The following KSR2 variants were observed in gnomAD, a reference collection of about 807,000 sequenced individuals.
The protein encoded by KSR2 is kinase suppressor of ras 2.
In KSR2, 25 loss-of-function variants were observed where a neutral mutation model predicts 107.8. The observed-to-expected ratio is 0.23, with a 90% CI of 0.17 to 0.32. KSR2 has a LOEUF of 0.32. Among genes scored for constraint, KSR2 ranks in the 10% least tolerant of loss-of-function variants. KSR2 has a pLI of 1.00. For missense variants in KSR2, 887 were observed against 1,268.9 expected (o/e 0.70, Z 4.57); for synonymous variants, 480 against 507.0 (o/e 0.95, Z 0.71).
intron 5 of KSR2, among the ~76,000 whole-genome samples, chr12:117,599,446 G>C (rs1880817305): frequency 6.6e-6 from 1 of 151,762 alleles, no homozygotes; most frequent in Non-Finnish European, 1.5e-5. Flanking sequence ...ACAAGTTCTA[G>C]AAGATGAATG....
At chr12:117,527,237 A>C (rs1875236462) in intron 12 of KSR2, 118 bp from the exon 13 acceptor site, 3 of 711,824 alleles carry the variant, frequency 4.2e-6, no homozygotes, top group Non-Finnish European at 7.5e-6. Flanking sequence ...TCTTTATCTC[A>C]CATTTCATTT....
At chr12:117,513,123 T>C (rs1242906833) in intron 14 of KSR2, among the ~76,000 whole-genome samples, 1 of 152,114 alleles carries the variant, frequency 6.6e-6, no homozygotes, top group Non-Finnish European at 1.5e-5. Context: ...GTTTCCCTCT[T>C]CTGCCAAACA....
intron 1 of KSR2, among the ~76,000 whole-genome samples, chr12:117,934,389 C>T (rs761155925): frequency 3.3e-5 from 5 of 152,170 alleles, no homozygotes; most frequent in Admixed American, 2.0e-4. Flanking sequence ...GAAATAATCA[C>T]GCTCTTCCTA....
chr12:117,525,743 A>G (rs1318147288), intron 13 of KSR2, among the ~76,000 whole-genome samples: 1 of 152,250 alleles, frequency 6.6e-6, no homozygotes, highest in Non-Finnish European at 1.5e-5. Flanking sequence ...TGCATGTAAC[A>G]CATGACAACT....
intron 4 of KSR2, among the ~76,000 whole-genome samples, chr12:117,734,617 T>C (rs2136749942): frequency 1.3e-5 from 2 of 152,340 alleles, no homozygotes; most frequent in South Asian, 4.1e-4. Context: ...TGCTGACTTA[T>C]CATTCTTTTC....
chr12:117,836,153 T>C (rs1177330188), intron 3 of KSR2, among the ~76,000 whole-genome samples: 1 of 152,094 alleles, frequency 6.6e-6, no homozygotes, highest in Non-Finnish European at 1.5e-5. Context: ...TCCAAAGTAC[T>C]AAAAGGGGTC....
intron 7 of KSR2, among the ~76,000 whole-genome samples, chr12:117,565,614 GAA>G (rs1878435026): frequency 6.6e-6 from 1 of 152,046 alleles, no homozygotes; most frequent in Non-Finnish European, 1.5e-5. Context: ...ATGAGAATAG[GAA>G]TAATAATTAT....
intron 4 of KSR2, among the ~76,000 whole-genome samples, chr12:117,680,483 C>T (rs945113857): frequency 6.6e-6 from 1 of 152,122 alleles, no homozygotes; most frequent in African/African-American, 2.4e-5. Flanking sequence ...ACAATCCCTG[C>T]CCCCAGCATT....
At chr12:117,755,620 A>G (rs2136844769) in intron 4 of KSR2, among the ~76,000 whole-genome samples, 1 of 152,316 alleles carries the variant, frequency 6.6e-6, no homozygotes, top group South Asian at 2.1e-4. Flanking sequence ...CTGAAACACA[A>G]CAATATTGAA....
intron 14 of KSR2, among the ~76,000 whole-genome samples, chr12:117,495,872 G>A (rs966328901): frequency 1.3e-5 from 2 of 152,102 alleles, no homozygotes; most frequent in Non-Finnish European, 2.9e-5. Flanking sequence ...TGGCCAACAT[G>A]GTGAAACCCT....
chr12:117,555,361 A>G (rs1877607027), intron 8 of KSR2, 68 bp from the exon 9 acceptor site: 3 of 1,558,560 alleles, frequency 1.9e-6, no homozygotes, highest in Admixed American at 3.5e-5. Flanking sequence ...CCAGGACGGC[A>G]TAGCTCAGAT....
At chr12:117,703,443 CT>C (rs888669893) in intron 4 of KSR2, among the ~76,000 whole-genome samples, 12 of 152,286 alleles carry the variant, frequency 7.9e-5, no homozygotes, top group Admixed American at 1.3e-4. Flanking sequence ...TTGCCTCCCC[CT>C]GGCCCTGGTG....
At chr12:117,648,104 C>CAT (rs1188443406) in intron 5 of KSR2, among the ~76,000 whole-genome samples, 4 of 152,014 alleles carry the variant, frequency 2.6e-5, no homozygotes, top group Non-Finnish European at 5.9e-5. Flanking sequence ...CTGGTGGCCC[C>CAT]ATATATATAT....
chr12:117,779,963 T>G (rs1251994893), intron 3 of KSR2, among the ~76,000 whole-genome samples: 1 of 152,214 alleles, frequency 6.6e-6, no homozygotes, highest in Non-Finnish European at 1.5e-5. Flanking sequence ...CACCTACTTA[T>G]ACACCAGGTA....
intron 4 of KSR2, among the ~76,000 whole-genome samples, chr12:117,695,675 C>T (rs1376795299): frequency 2.7e-5 from 4 of 150,092 alleles, no homozygotes; most frequent in Non-Finnish European, 5.9e-5. Flanking sequence ...CACACCACTG[C>T]ACTCCAGCCT....
intron 4 of KSR2, among the ~76,000 whole-genome samples, chr12:117,742,879 T>C (rs117602029): frequency 1.3e-5 from 2 of 152,344 alleles, no homozygotes; most frequent in East Asian, 3.9e-4. Flanking sequence ...AGTTATGTCA[T>C]GAAGAAATCC....
chr12:117,552,871 C>T (rs1451889406), intron 9 of KSR2, among the ~76,000 whole-genome samples: 1 of 152,200 alleles, frequency 6.6e-6, no homozygotes, highest in Non-Finnish European at 1.5e-5. Flanking sequence ...TTGTCAATCC[C>T]TGTTTTAGAT....
chr12:117,892,857 G>C (rs1004693697), intron 1 of KSR2, among the ~76,000 whole-genome samples: 13 of 145,166 alleles, frequency 9.0e-5, no homozygotes, highest in African/African-American at 3.3e-4. Flanking sequence ...TTTATAAATA[G>C]TATTGCATCT....
intron 4 of KSR2, among the ~76,000 whole-genome samples, chr12:117,738,699 A>AC (rs1433540270): frequency 1.3e-5 from 2 of 151,994 alleles, no homozygotes; most frequent in Non-Finnish European, 2.9e-5. Context: ...ACACAGTGAA[A>AC]CCCCATCTCT....
Sources: gnomAD v4.1 joint callset for allele counts (sites outside exome capture counted in the v4.1 genomes callset) on GRCh38, gnomAD v4.1.1 for gene constraint, MANE v1.5 for transcripts, NCBI Gene and HGNC (gene_info 2026-07-23, HGNC 2026-07-21) for gene names.